Variants in HYCC1 observed in about 807,000 individuals in gnomAD.
HYCC1 encodes hyccin PI4KA lipid kinase complex subunit 1.
At chr7:22,956,194 A>C in the HYCC1 span, among the ~76,000 whole-genome samples, 2 of 151,808 alleles carry the variant, frequency 1.3e-5, no homozygotes, top group Non-Finnish European at 3.0e-5. Context: ...AGGTGACTTG[A>C]AAATCTATGT....
At chr7:22,971,918 A>T in the HYCC1 span, among the ~76,000 whole-genome samples, 1 of 152,206 alleles carries the variant, frequency 6.6e-6, no homozygotes, top group Admixed American at 6.5e-5. Context: ...AGATTATTTC[A>T]GTTGGGTTGT....
At chr7:22,985,374 A>G in the HYCC1 span, among the ~76,000 whole-genome samples, 4 of 152,216 alleles carry the variant, frequency 2.6e-5, no homozygotes, top group African/African-American at 4.8e-5. Context: ...CACTCACCAC[A>G]GGCCCTCATA....
chr7:23,012,305 C>G, the HYCC1 span, among the ~76,000 whole-genome samples: 1 of 152,112 alleles, frequency 6.6e-6, no homozygotes, highest in Admixed American at 6.6e-5. Flanking sequence ...CAACCCAGAG[C>G]AAATTTCATA....
At chr7:22,903,567 GT>G in the HYCC1 span, among the ~76,000 whole-genome samples, 1 of 152,136 alleles carries the variant, frequency 6.6e-6, no homozygotes, top group Non-Finnish European at 1.5e-5. Context: ...AAATTAATTT[GT>G]TACCAGCAAC....
At chr7:22,908,674 T>G in the HYCC1 span, among the ~76,000 whole-genome samples, 1 of 152,164 alleles carries the variant, frequency 6.6e-6, no homozygotes, top group East Asian at 1.9e-4. Flanking sequence ...TTATACCTTG[T>G]GTAGTAAAGA....
the HYCC1 span, chr7:22,977,454 ATACT>A: frequency 3.3e-6 from 4 of 1,218,872 alleles, no homozygotes; most frequent in East Asian, 9.4e-5. Flanking sequence ...ATTAAAATAC[ATACT>A]TTCTTACACA....
the HYCC1 span, among the ~76,000 whole-genome samples, chr7:22,986,379 A>G: frequency 6.6e-6 from 1 of 152,230 alleles, no homozygotes; most frequent in African/African-American, 2.4e-5. Flanking sequence ...AACAAGATCT[A>G]AAGGAGCCAA....
the HYCC1 span, among the ~76,000 whole-genome samples, chr7:22,930,375 TAAAAAGAAAAAGAAAAAGAA>T: frequency 4.7e-5 from 4 of 84,252 alleles, no homozygotes; most frequent in Non-Finnish European, 9.5e-5. Context: ...AGAAACAAAG[TAAAAAGAAAAAGAAAAAGAA>T]AAAAAAAAAA....
the HYCC1 span, among the ~76,000 whole-genome samples, chr7:23,012,292 A>G: frequency 1.3e-5 from 2 of 152,228 alleles, no homozygotes; most frequent in Non-Finnish European, 2.9e-5. Flanking sequence ...AGTCTAAAAA[A>G]TACAACCCAG....
At chr7:22,967,950 A>G in the HYCC1 span, among the ~76,000 whole-genome samples, 9 of 152,246 alleles carry the variant, frequency 5.9e-5, no homozygotes, top group East Asian at 1.2e-3. Flanking sequence ...CTTCTATTAA[A>G]AGCACTGCCA....
At chr7:22,987,272 C>T in the HYCC1 span, among the ~76,000 whole-genome samples, 3 of 152,196 alleles carry the variant, frequency 2.0e-5, no homozygotes, top group Non-Finnish European at 2.9e-5. Context: ...ATAGGACAAG[C>T]GCGGTGGCTC....
chr7:22,996,786 C>A, the HYCC1 span, among the ~76,000 whole-genome samples: 2 of 151,938 alleles, frequency 1.3e-5, no homozygotes, highest in African/African-American at 4.8e-5. Context: ...GCTAACCCAC[C>A]CCCACATTTC....
the HYCC1 span, among the ~76,000 whole-genome samples, chr7:23,004,085 T>C: frequency 6.6e-6 from 1 of 152,238 alleles, no homozygotes; most frequent in Admixed American, 6.5e-5. Context: ...AATATAAAAT[T>C]ATTTTTAAGA....
At chr7:23,002,155 TA>T in the HYCC1 span, among the ~76,000 whole-genome samples, 49 of 26,416 alleles carry the variant, frequency 1.9e-3, 1 homozygote, top group Admixed American at 0.02. Context: ...TATATATATA[TA>T]TATATATATA....
chr7:22,904,808 G>A, the HYCC1 span, among the ~76,000 whole-genome samples: 1 of 151,150 alleles, frequency 6.6e-6, no homozygotes, highest in Non-Finnish European at 1.5e-5. Flanking sequence ...GACAGGTGTG[G>A]TGGTATGCAC....
At chr7:22,934,216 T>C in the HYCC1 span, 3 of 73,532 alleles carry the variant, frequency 4.1e-5, no homozygotes, top group South Asian at 4.1e-4. Flanking sequence ...CTTTTTTTTT[T>C]TTTTTTTTTT....
At chr7:22,923,429 T>A in the HYCC1 span, among the ~76,000 whole-genome samples, 1 of 152,186 alleles carries the variant, frequency 6.6e-6, no homozygotes, top group South Asian at 2.1e-4. Context: ...AATTTATAGA[T>A]GTAACTTCCT....
chr7:22,964,466 G>T, the HYCC1 span: 1 of 1,611,422 alleles, frequency 6.2e-7, no homozygotes, highest in Non-Finnish European at 8.5e-7. Flanking sequence ...TGAAGAAACT[G>T]GTATCCTGCT....
At chr7:22,980,674 T>C in the HYCC1 span, among the ~76,000 whole-genome samples, 2 of 152,038 alleles carry the variant, frequency 1.3e-5, no homozygotes, top group Non-Finnish European at 2.9e-5. Context: ...CTCAGGAACA[T>C]TGGGTAAGAA....
Sources: gnomAD v4.1 joint callset for allele counts (sites outside exome capture counted in the v4.1 genomes callset) on GRCh38, gnomAD v4.1.1 for gene constraint, MANE v1.5 for transcripts, NCBI Gene and HGNC (gene_info 2026-07-23, HGNC 2026-07-21) for gene names.